SEMA3A: variants seen among roughly 807,000 people sequenced by gnomAD.
The protein encoded by SEMA3A is semaphorin 3A, also known as semaphorin-3A.
In SEMA3A, 29 loss-of-function variants were observed where a neutral mutation model predicts 97.9. That is an observed-to-expected ratio of 0.30 (90% CI 0.22 to 0.40). The LOEUF (loss-of-function observed/expected upper bound fraction) is 0.40, where lower values mean the gene tolerates loss of function less well. SEMA3A is among the 10% of genes least tolerant of loss of function. The pLI, the probability that SEMA3A is intolerant of heterozygous loss-of-function variation, is 1.00. For synonymous variants in SEMA3A, 321 were observed against 323.7 expected (o/e 0.99, Z 0.09); for missense variants, 763 against 951.3 (o/e 0.80, Z 2.60).
chr7:84,080,721 G>A lies in SEMA3A; in HGVS notation c.454-20163C>T, dbSNP rs1305994148. 1.1e-4 allele frequency among the ~76,000 whole-genome samples: 2 copies of A among 18,276 alleles called. 1 individual carries two copies. The highest frequency in any genetic ancestry group is 1.9e-4 in the Non-Finnish European group (2 of 10,662). The allele number at this position is 18,276 out of a possible 152,430, so 12.0% of individuals were successfully genotyped here. Reference sequence around the variant, plus strand: ...CAAGTAGCTGGGACTACAGGCGCCCGCCACTACGCCCGGCTAATTTTTTTG... The same window carrying A: ...CAAGTAGCTGGGACTACAGGCGCCCACCACTACGCCCGGCTAATTTTTTTG... On this transcript the variant is annotated intron_variant, in intron 4 of 16. Coordinates refer to ENST00000265362, the MANE Select transcript of SEMA3A (RefSeq NM_006080.3).
At chr7:84,432,193 T>C (rs930060535) in intron 1 of SEMA3A, among the ~76,000 whole-genome samples, 9 of 152,064 alleles carry the variant, frequency 5.9e-5, no homozygotes, top group African/African-American at 2.2e-4. Context: ...ACAAAAGCCA[T>C]TGAATGTTTT....
intron 1 of SEMA3A, among the ~76,000 whole-genome samples, chr7:84,429,463 A>T (rs1804910869): frequency 6.9e-6 from 1 of 144,108 alleles, no homozygotes; most frequent in Non-Finnish European, 1.5e-5. Context: ...TATGCAATAT[A>T]TTATGTAACG....
intron 1 of SEMA3A, among the ~76,000 whole-genome samples, chr7:84,159,423 G>A (rs1274707709): frequency 6.6e-6 from 1 of 152,110 alleles, no homozygotes; most frequent in African/African-American, 2.4e-5. Context: ...AAAAGAAGTA[G>A]AGTGATGTTT....
rs1265802231 is a variant in SEMA3A, at chr7:83,957,134, C to T, written c.*4237G>A. On this transcript the variant is annotated 3_prime_UTR_variant, in exon 17 of 17. Coordinates refer to ENST00000265362, the MANE Select transcript of SEMA3A (RefSeq NM_006080.3). ...TGGAAACATAAACAAATAAATCACA[C>T]ATTGGGGTAGTGTGACAATAAAAGG... The T allele has an allele frequency of 6.6e-6, 1 of 152,238 alleles. No individual in the cohort carries two copies. Among genetic ancestry groups the T allele is most frequent in the East Asian group, 1.9e-4 (1 of 5,182 alleles). 9.4% of individuals were successfully genotyped at this position (152,238 alleles called of 1,614,324 possible). A position where few individuals can be genotyped will look rare whatever the true frequency, so the allele number is the denominator to read the frequency against.
At chr7:84,315,873 C>A (rs1348827989) in intron 2 of SEMA3A, among the ~76,000 whole-genome samples, 3 of 151,744 alleles carry the variant, frequency 2.0e-5, no homozygotes, top group South Asian at 4.1e-4. Context: ...GTATTGGATA[C>A]AATTGTAGGG....
At chr7:84,246,402 A>G (rs575065319) in intron 3 of SEMA3A, among the ~76,000 whole-genome samples, 12 of 152,334 alleles carry the variant, frequency 7.9e-5, no homozygotes, top group Non-Finnish European at 1.6e-4. Context: ...TATGTCAAAA[A>G]TAAAATGAAA....
intron 3 of SEMA3A, among the ~76,000 whole-genome samples, chr7:84,266,313 C>CAAAAAAAA (rs57809084): frequency 6.2e-4 from 44 of 70,470 alleles, no homozygotes; most frequent in Non-Finnish European, 7.3e-4. Flanking sequence ...GATTTGGTCT[C>CAAAAAAAA]AAAAAAAAAA....
rs571317628 is a variant in SEMA3A at position 83,991,942 on chromosome 7, T to A, written c.1453-6465A>T. 6.9e-3 allele frequency among the ~76,000 whole-genome samples: 1,019 copies of A among 147,758 alleles called. 14 individuals are homozygous for A. Among genetic ancestry groups the A allele is most frequent in the African/African-American group, 0.025 (967 of 39,312 alleles). On this transcript the variant is annotated intron_variant, in intron 12 of 16. Coordinates refer to ENST00000265362, the MANE Select transcript of SEMA3A (RefSeq NM_006080.3). Reference sequence around the variant, plus strand: ...CTGTTAGAATTCGGCTGTGAATCCATCTGGTCCTGGACTCTTTTTGGTTGG... The same window carrying A: ...CTGTTAGAATTCGGCTGTGAATCCAACTGGTCCTGGACTCTTTTTGGTTGG...
At chr7:84,125,074 C>T (rs1202378975) in intron 3 of SEMA3A, among the ~76,000 whole-genome samples, 1 of 151,842 alleles carries the variant, frequency 6.6e-6, no homozygotes, top group Non-Finnish European at 1.5e-5. Context: ...TTCTGTTTTC[C>T]TTTCACTATA....
At chr7:84,424,785 A>C (rs1381889980) in intron 1 of SEMA3A, among the ~76,000 whole-genome samples, 1 of 101,444 alleles carries the variant, frequency 9.9e-6, no homozygotes, top group East Asian at 3.2e-4. Context: ...TATAATATTT[A>C]TATATAAATA....
At position 84,415,305 on chromosome 7, in the gene SEMA3A, T is replaced by C. The variant is rs376218252; in HGVS notation, c.-245-43405A>G. Among the ~76,000 whole-genome samples the C allele has an allele frequency of 7.0e-4, 106 of 152,208 alleles. 1 individual carries two copies. The highest frequency in any genetic ancestry group is 2.4e-3 in the African/African-American group (98 of 41,564). ...CAGTCAATAGAAAATTTACCAAAAT[T>C]GTAAGCCTAGAACTAATGGGTATAC... On this transcript the variant is annotated intron_variant, in intron 1 of 3. Coordinates refer to the SEMA3A transcript ENST00000424555.
rs78750341 is a variant in SEMA3A, at chr7:84,184,687, G to A, written c.112+9788C>T. 6.7e-3 allele frequency among the ~76,000 whole-genome samples: 1,016 copies of A among 151,966 alleles called. 8 individuals carry two copies. Among genetic ancestry groups the A allele is most frequent in the South Asian group, 0.023 (110 of 4,808 alleles). On this transcript the variant is annotated intron_variant, in intron 1 of 16. Coordinates refer to ENST00000265362, the MANE Select transcript of SEMA3A (RefSeq NM_006080.3). ...AGGCAATTATATTGGGGGAATCTGT[G>A]TGCTGATCAGACCCTGCACCCAGCA... is the stretch of plus-strand genomic sequence containing the variant.
chr7:84,196,353 TTCTC>T (rs60887913), upstream of SEMA3A, among the ~76,000 whole-genome samples: 44,245 of 148,998 alleles, frequency 0.3, 6,722 homozygotes, highest in East Asian at 0.46. Flanking sequence ...TCGCTCTGCT[TTCTC>T]TCTCTCTCTC....
chr7:84,462,046 A>G (rs1253271408), intron 1 of SEMA3A, among the ~76,000 whole-genome samples: 1 of 152,094 alleles, frequency 6.6e-6, no homozygotes, highest in Non-Finnish European at 1.5e-5. Flanking sequence ...TGATATTTTT[A>G]AACGTTGGTG....
At chr7:84,052,072 T>C (rs1792687087) in intron 5 of SEMA3A, among the ~76,000 whole-genome samples, 1 of 152,196 alleles carries the variant, frequency 6.6e-6, no homozygotes, top group African/African-American at 2.4e-5. Context: ...CACTTGATCA[T>C]GGCGGATAAG....
intron 2 of SEMA3A, among the ~76,000 whole-genome samples, chr7:84,353,134 T>C (rs1031775049): frequency 1.3e-5 from 2 of 151,778 alleles, no homozygotes; most frequent in African/African-American, 4.8e-5. Context: ...AATGTAAATG[T>C]TATGTAAATA....
chr7:84,147,267 A>G (rs577222968), intron 1 of SEMA3A, among the ~76,000 whole-genome samples: 2 of 152,176 alleles, frequency 1.3e-5, no homozygotes, highest in East Asian at 3.9e-4. Flanking sequence ...CTTAAGAATG[A>G]TTTATTTAAA....
intron 4 of SEMA3A, among the ~76,000 whole-genome samples, chr7:84,091,163 GGAAGGAAAGAAA>G (rs1205663582): frequency 3.5e-3 from 91 of 25,668 alleles, no homozygotes; most frequent in African/African-American, 8.4e-3. Flanking sequence ...AAGGAAGGAA[GGAAGGAAAGAAA>G]GAAAGAAAGA....
At chr7:84,489,855 T>C (rs1240544556) in intron 1 of SEMA3A, among the ~76,000 whole-genome samples, 1 of 152,070 alleles carries the variant, frequency 6.6e-6, no homozygotes, top group African/African-American at 2.4e-5. Flanking sequence ...AAAAGAAAAT[T>C]TATTAGAAAG....
Sources: gnomAD v4.1 joint callset for allele counts (sites outside exome capture counted in the v4.1 genomes callset) on GRCh38, gnomAD v4.1.1 for gene constraint, MANE v1.5 for transcripts, NCBI Gene and HGNC (gene_info 2026-07-23, HGNC 2026-07-21) for gene names.